MACC1: variants seen among roughly 807,000 people sequenced by gnomAD.
The protein encoded by MACC1 is MET transcriptional regulator MACC1.
In MACC1, 79 loss-of-function variants were observed where a neutral mutation model predicts 70.7. That is an observed-to-expected ratio of 1.12 (90% confidence interval 0.93 to 1.35). The LOEUF (loss-of-function observed/expected upper bound fraction) is 1.35, where lower values mean the gene tolerates loss of function less well. Among genes scored for constraint, MACC1 ranks in the 40% most tolerant of loss-of-function variants. The pLI, the probability that MACC1 is intolerant of heterozygous loss-of-function variation, is 0.00. For missense variants in MACC1, 1,106 were observed against 978.1 expected (o/e 1.13, Z -1.74); for synonymous variants, 361 against 347.2 (o/e 1.04, Z -0.44).
chr7:20,215,503 G>C (rs571675777), intron 1 of MACC1, among the ~76,000 whole-genome samples: 1 of 152,166 alleles, frequency 6.6e-6, no homozygotes, highest in African/African-American at 2.4e-5. Flanking sequence ...CACCTTTGGA[G>C]AATTACAAGT....
At chr7:20,145,337 G>A (rs1407420637) in intron 6 of MACC1, among the ~76,000 whole-genome samples, 1 of 151,926 alleles carries the variant, frequency 6.6e-6, no homozygotes, top group Non-Finnish European at 1.5e-5. Flanking sequence ...GAATAGTCGG[G>A]GGCATACGAC....
At chr7:20,178,614 T>G (rs1335814720) in intron 1 of MACC1, among the ~76,000 whole-genome samples, 1 of 152,184 alleles carries the variant, frequency 6.6e-6, no homozygotes, top group Admixed American at 6.5e-5. Context: ...TTTTTGTTTT[T>G]TTGAGATGGA....
intron 1 of MACC1, among the ~76,000 whole-genome samples, chr7:20,187,043 C>G (rs1268269580): frequency 6.6e-6 from 1 of 152,142 alleles, no homozygotes; most frequent in East Asian, 1.9e-4. Context: ...TGGTTCAACT[C>G]ACAATTTTTT....
Position 20,159,663 on chromosome 7 carries a change from G to T in MACC1, c.698C>A (p.Thr233Asn). 6.2e-7 allele frequency: 1 copy of T among 1,614,150 alleles called. No individual in the cohort carries two copies. Among genetic ancestry groups the T allele is most frequent in the Non-Finnish European group, 8.5e-7 (1 of 1,180,034 alleles). ...CACATGACCTTGGGGCACATGAACAGTGATGTCTGATTCAGGTAATTGTAC... is the reference window on the plus strand; with the variant it reads ...CACATGACCTTGGGGCACATGAACATTGATGTCTGATTCAGGTAATTGTAC... ...GSVQLPESDI[T>N]VHVPQGHVAV... Residue 233 changes from threonine to asparagine, a missense_variant, in exon 5 of 7, where the codon ACT becomes AAT. By Grantham distance (65) the Thr-to-Asn change is moderately conservative. Transcript: ENST00000400331.
intron 5 of MACC1, among the ~76,000 whole-genome samples, 192 bp from the exon 6 acceptor site, chr7:20,154,573 A>C (rs888684156): frequency 6.6e-6 from 1 of 152,200 alleles, no homozygotes; most frequent in Non-Finnish European, 1.5e-5. Flanking sequence ...AGTAGACATA[A>C]CTAAGCCAGA....
chr7:20,182,420 T>G (rs1178712179), intron 1 of MACC1, among the ~76,000 whole-genome samples: 5 of 152,216 alleles, frequency 3.3e-5, no homozygotes, highest in African/African-American at 1.2e-4. Flanking sequence ...TAACCCACCA[T>G]GTTGACTTCT....
At chr7:20,211,039 CTT>C (rs1008456131) in intron 1 of MACC1, among the ~76,000 whole-genome samples, 100 of 152,162 alleles carry the variant, frequency 6.6e-4, no homozygotes, top group African/African-American at 2.4e-3. Context: ...TATGTATGCT[CTT>C]TTGATATTAT....
rs939881519 is a variant in MACC1, at chr7:20,136,779, C to T, written c.*4167G>A. The T allele has an allele frequency of 6.6e-6, 1 of 151,456 alleles. No homozygotes were observed. The highest frequency in any genetic ancestry group is 1.5e-5 in the Non-Finnish European group (1 of 67,882). The allele number at this position is 151,456 out of a possible 1,614,324, so 9.4% of individuals were successfully genotyped here. On this transcript the variant is annotated 3_prime_UTR_variant, in exon 7 of 7. Transcript: ENST00000400331. ...GAAGGAGGAGGGACTTACTTCTCCT[C>T]CTTGCGATTATTATTGCGATTAAGG...
chr7:20,210,525 A>C (rs1205830590), intron 1 of MACC1, among the ~76,000 whole-genome samples: 1 of 152,248 alleles, frequency 6.6e-6, no homozygotes, highest in Non-Finnish European at 1.5e-5. Context: ...GAATGACGCT[A>C]CCTACGTCAC....
At chr7:20,208,638 G>C (rs1227234127) in intron 1 of MACC1, among the ~76,000 whole-genome samples, 1 of 152,228 alleles carries the variant, frequency 6.6e-6, no homozygotes, top group African/African-American at 2.4e-5. Flanking sequence ...AAAATGTGCA[G>C]TCTGATGATG....
At chr7:20,177,680 A>C (rs1264324201) in intron 1 of MACC1, among the ~76,000 whole-genome samples, 1 of 149,380 alleles carries the variant, frequency 6.7e-6, no homozygotes, top group Non-Finnish European at 1.5e-5. Context: ...ATCTGAAATC[A>C]TGATGCATAT....
chr7:20,193,815 TA>T (rs1782708269), intron 1 of MACC1, among the ~76,000 whole-genome samples: 1 of 149,164 alleles, frequency 6.7e-6, no homozygotes, highest in Non-Finnish European at 1.5e-5. Flanking sequence ...AATGGCAAAG[TA>T]AAACCCTTAG....
intron 1 of MACC1, among the ~76,000 whole-genome samples, chr7:20,200,131 CA>C (rs1782811644): frequency 6.6e-6 from 1 of 151,326 alleles, no homozygotes; most frequent in South Asian, 2.1e-4. Context: ...TATTTATTCA[CA>C]ATAAACACCT....
intron 2 of MACC1, among the ~76,000 whole-genome samples, chr7:20,165,271 T>C (rs1782196518): frequency 6.6e-6 from 1 of 152,164 alleles, no homozygotes; most frequent in Non-Finnish European, 1.5e-5. Context: ...TCTGGGATTG[T>C]GCACAAGAAT....
intron 1 of MACC1, among the ~76,000 whole-genome samples, chr7:20,208,892 C>T (rs1782953909): frequency 6.6e-6 from 1 of 152,158 alleles, no homozygotes; most frequent in African/African-American, 2.4e-5. Flanking sequence ...TTCCCTGTGT[C>T]CCAGCTGCTT....
intron 6 of MACC1, among the ~76,000 whole-genome samples, chr7:20,143,162 G>T (rs1436522533): frequency 6.6e-6 from 1 of 152,182 alleles, no homozygotes; most frequent in East Asian, 1.9e-4. Flanking sequence ...TGTATCTATG[G>T]CCTATCTTGC....
At chr7:20,151,459 G>GA (rs1222210010) in intron 6 of MACC1, among the ~76,000 whole-genome samples, 1 of 152,140 alleles carries the variant, frequency 6.6e-6, no homozygotes, top group African/African-American at 2.4e-5. Flanking sequence ...TTTTCTGAAA[G>GA]AAATACTCTG....
rs1338915037 is a variant in MACC1, at chr7:20,159,193, CTG to C, written c.1166_1167del (p.Thr389SerfsTer15). 30 of 1,613,988 alleles carry C rather than the reference CTG, an allele frequency of 1.9e-5. No individual in the cohort carries two copies. Among genetic ancestry groups the C allele is most frequent in the Admixed American group, 6.7e-5 (4 of 59,958 alleles). On this transcript the variant is annotated frameshift_variant, in exon 5 of 7. Coordinates refer to ENST00000400331, the MANE Select transcript of MACC1 (RefSeq NM_182762.4). LOFTEE classifies it high-confidence loss of function. ...YIHPSFTVVL[T>X]VCGHNYMPGQ... ...CCTGGCATATAATTGTGTCCACAAA[CTG>C]TTAAAACAACAGTAAAACTGGGATG...
intron 1 of MACC1, among the ~76,000 whole-genome samples, chr7:20,172,298 C>G (rs1203329839): frequency 6.6e-6 from 1 of 152,162 alleles, no homozygotes; most frequent in Non-Finnish European, 1.5e-5. Flanking sequence ...AAATCCAAAC[C>G]TCTCAGTCCG....
Sources: allele counts gnomAD v4.1 joint callset (sites outside exome capture counted in the v4.1 genomes callset), GRCh38; gene constraint gnomAD v4.1.1; transcripts MANE v1.5; gene names NCBI Gene and HGNC (gene_info 2026-07-23, HGNC 2026-07-21).